CNTNAP2: variants seen among roughly 807,000 people sequenced by gnomAD.
The protein encoded by CNTNAP2 is contactin-associated protein-like 2.
CNTNAP2 carries 98 observed loss-of-function variants against 155.2 expected under a neutral mutation model. The observed-to-expected ratio is 0.63, with a 90% confidence interval of 0.54 to 0.75. The LOEUF (loss-of-function observed/expected upper bound fraction) is 0.75. Among genes scored for constraint, CNTNAP2 ranks in the 30% least tolerant of loss-of-function variants. CNTNAP2 has a pLI of 0.00. For synonymous variants in CNTNAP2, 651 were observed against 631.2 expected (o/e 1.03, Z -0.47); for missense variants, 1,727 against 1,688.1 (o/e 1.02, Z -0.40).
chr7:146,357,134 A>G (rs2129100002), intron 1 of CNTNAP2, among the ~76,000 whole-genome samples: 1 of 151,752 alleles, frequency 6.6e-6, no homozygotes. Context: ...ATGATATTGA[A>G]GGGACAAAAT....
intron 1 of CNTNAP2, among the ~76,000 whole-genome samples, chr7:146,192,455 G>A (rs559631933): frequency 1.3e-5 from 2 of 152,252 alleles, no homozygotes; most frequent in South Asian, 4.1e-4. Flanking sequence ...CATGGACGGG[G>A]AGGCCTCATA....
intron 3 of CNTNAP2, among the ~76,000 whole-genome samples, chr7:146,918,180 A>G (rs555868431): frequency 1.3e-5 from 2 of 152,248 alleles, no homozygotes; most frequent in African/African-American, 4.8e-5. Flanking sequence ...TTTACATTCA[A>G]TATTAGTATT....
At chr7:147,288,718 C>CT (rs1334966723) in intron 8 of CNTNAP2, among the ~76,000 whole-genome samples, 1 of 152,132 alleles carries the variant, frequency 6.6e-6, no homozygotes, top group Non-Finnish European at 1.5e-5. Context: ...CTCTGTTATA[C>CT]TTTTTTGGGT....
intron 13 of CNTNAP2, among the ~76,000 whole-genome samples, chr7:147,714,755 A>G (rs1796457336): frequency 6.6e-6 from 1 of 152,040 alleles, no homozygotes; most frequent in Non-Finnish European, 1.5e-5. Context: ...AAATGTGTAG[A>G]TATGTGTAAC....
intron 12 of CNTNAP2, among the ~76,000 whole-genome samples, chr7:147,595,513 G>A (rs910530045): frequency 6.6e-6 from 1 of 152,148 alleles, no homozygotes; most frequent in Admixed American, 6.5e-5. Context: ...AAAACGTTAG[G>A]TGGCTTAAAA....
chr7:147,013,908 G>A (rs891092691), intron 3 of CNTNAP2, among the ~76,000 whole-genome samples: 1 of 152,062 alleles, frequency 6.6e-6, no homozygotes, highest in Non-Finnish European at 1.5e-5. Context: ...TCTCTCTTCC[G>A]ACATGCTTTG....
intron 20 of CNTNAP2, among the ~76,000 whole-genome samples, chr7:148,239,726 T>G (rs574578871): frequency 5.3e-4 from 81 of 152,258 alleles, no homozygotes; most frequent in African/African-American, 1.9e-3. Context: ...TTCCTCTCCC[T>G]CCCAGTACCT....
At chr7:146,158,261 A>C (rs1798159490) in intron 1 of CNTNAP2, among the ~76,000 whole-genome samples, 1 of 152,218 alleles carries the variant, frequency 6.6e-6, no homozygotes, top group Non-Finnish European at 1.5e-5. Flanking sequence ...GACCAAAGGT[A>C]GATAAAACCA....
intron 16 of CNTNAP2, among the ~76,000 whole-genome samples, chr7:148,121,679 C>T (rs906213865): frequency 2.0e-5 from 3 of 152,040 alleles, no homozygotes; most frequent in African/African-American, 7.2e-5. Flanking sequence ...TTACATTGTG[C>T]CCTTCTGTCA....
chr7:147,939,051 A>G (rs80258280), intron 14 of CNTNAP2, among the ~76,000 whole-genome samples: 4 of 152,160 alleles, frequency 2.6e-5, no homozygotes, highest in Non-Finnish European at 4.4e-5. Context: ...CCCTAGCTCA[A>G]GGGTTCACTT....
At chr7:148,277,591 C>CA (rs200078565) in intron 21 of CNTNAP2, among the ~76,000 whole-genome samples, 10,482 of 148,502 alleles carry the variant, frequency 0.071, 460 homozygotes, top group African/African-American at 0.12. Flanking sequence ...ACAGGACCGC[C>CA]CCCCACCACC....
intron 22 of CNTNAP2, among the ~76,000 whole-genome samples, chr7:148,385,574 G>A (rs2116663439): frequency 6.6e-6 from 1 of 152,210 alleles, no homozygotes; most frequent in East Asian, 1.9e-4. Flanking sequence ...AGGGCCAATA[G>A]ACTAGTTTCT....
intron 3 of CNTNAP2, among the ~76,000 whole-genome samples, chr7:146,910,744 G>C (rs1245249357): frequency 6.7e-6 from 1 of 148,800 alleles, no homozygotes; most frequent in African/African-American, 2.5e-5. Flanking sequence ...CATAGGCATG[G>C]GCAAGGACTT....
At chr7:146,249,428 T>C (rs898404294) in intron 1 of CNTNAP2, among the ~76,000 whole-genome samples, 3 of 149,970 alleles carry the variant, frequency 2.0e-5, no homozygotes, top group Non-Finnish European at 2.9e-5. Context: ...CCTGTAATAG[T>C]AGTCTCAGAA....
chr7:146,980,511 G>A (rs1797994123), intron 3 of CNTNAP2, among the ~76,000 whole-genome samples: 1 of 152,088 alleles, frequency 6.6e-6, no homozygotes, highest in South Asian at 2.1e-4. Flanking sequence ...ACCCAACACT[G>A]GGTAATTTAT....
chr7:146,788,687 A>C (rs1192053075), intron 2 of CNTNAP2, among the ~76,000 whole-genome samples: 1 of 151,792 alleles, frequency 6.6e-6, no homozygotes, highest in Non-Finnish European at 1.5e-5. Context: ...TTTTAATTAG[A>C]TAGATCAGTC....
chr7:146,847,220 G>A (rs1358420140), intron 3 of CNTNAP2, among the ~76,000 whole-genome samples: 1 of 152,108 alleles, frequency 6.6e-6, no homozygotes, highest in Non-Finnish European at 1.5e-5. Flanking sequence ...CTGCTCAAGT[G>A]GTAACTTAGA....
chr7:146,118,552 A>G (rs2692361), intron 1 of CNTNAP2, among the ~76,000 whole-genome samples: 77,253 of 151,750 alleles, frequency 0.51, 20,198 homozygotes, highest in East Asian at 0.66. Context: ...TAAATTTATT[A>G]TATTCACTGA....
chr7:146,532,895 CA>C lies in CNTNAP2; in HGVS notation c.98-241374del, dbSNP rs539701021. The stretch of plus-strand genomic sequence containing the variant: ...GTCAGGAGTTCGAGACCAGCCTGAC[CA>C]ATGTGCTGAAACCCCATCTCTACTA... On this transcript the variant is annotated intron_variant, in intron 1 of 23. Coordinates refer to ENST00000361727, the MANE Select transcript of CNTNAP2 (RefSeq NM_014141.6). Among the ~76,000 whole-genome samples the C allele has an allele frequency of 2.6e-3, 393 of 151,482 alleles. 4 individuals carry two copies. The highest frequency in any genetic ancestry group is 9.2e-3 in the African/African-American group (378 of 41,302).
Sources: gnomAD v4.1 joint callset for allele counts (sites outside exome capture counted in the v4.1 genomes callset) on GRCh38, gnomAD v4.1.1 for gene constraint, MANE v1.5 for transcripts, NCBI Gene and HGNC (gene_info 2026-07-23, HGNC 2026-07-21) for gene names.